The following FAM193A variants were observed in gnomAD, a reference collection of about 807,000 sequenced individuals.
The protein encoded by FAM193A is family with sequence similarity 193 member A, also known as protein FAM193A.
Under a neutral mutation model 126.5 loss-of-function variants are expected in FAM193A, and 22 were observed. The ratio of observed to expected loss-of-function variants is 0.17; its 90% CI spans 0.12 to 0.25. The LOEUF (loss-of-function observed/expected upper bound fraction) is 0.25, where lower values mean the gene tolerates loss of function less well. Ranked by LOEUF, FAM193A falls within the 10% of genes least tolerant of loss-of-function variation. The pLI is 1.00. For missense variants in FAM193A, 1,675 were observed against 1,672.8 expected, an observed-to-expected ratio of 1.00 and a Z score of -0.02; for synonymous variants, 761 against 646.8, an observed-to-expected ratio of 1.18 and a Z score of -2.68.
intron 2 of FAM193A, among the ~76,000 whole-genome samples, chr4:2,617,122 C>T (rs1346054514): frequency 4.0e-5 from 5 of 123,788 alleles, no homozygotes; most frequent in Admixed American, 1.6e-4. Flanking sequence ...GAGCTGAGAT[C>T]GTGCCACTGC....
intron 7 of FAM193A, among the ~76,000 whole-genome samples, chr4:2,654,034 C>G (rs1745927694): frequency 6.6e-6 from 1 of 152,214 alleles, no homozygotes; most frequent in South Asian, 2.1e-4. Context: ...GGCCACTCCA[C>G]TCTCCACTGG....
intron 10 of FAM193A, among the ~76,000 whole-genome samples, chr4:2,660,869 G>A (rs980127964): frequency 6.6e-6 from 1 of 152,140 alleles, no homozygotes; most frequent in Admixed American, 6.5e-5. Flanking sequence ...ATTCTGAAAG[G>A]ACTGGTTTAA....
intron 1 of FAM193A, among the ~76,000 whole-genome samples, chr4:2,591,785 T>A (rs145295215): frequency 2.4e-4 from 36 of 152,300 alleles, no homozygotes; most frequent in African/African-American, 8.4e-4. Context: ...ATGTCTTTTA[T>A]GATACACACA....
intron 2 of FAM193A, among the ~76,000 whole-genome samples, chr4:2,599,260 C>T (rs944063369): frequency 6.6e-6 from 1 of 151,874 alleles, no homozygotes; most frequent in Non-Finnish European, 1.5e-5. Context: ...TTCCACTTTC[C>T]TTCCTCTGTC....
chr4:2,663,718 G>A (rs2109122420), intron 12 of FAM193A, among the ~76,000 whole-genome samples: 1 of 152,336 alleles, frequency 6.6e-6, no homozygotes, highest in East Asian at 1.9e-4. Flanking sequence ...TGTAATCCCA[G>A]CACTTTGGGA....
intron 1 of FAM193A, among the ~76,000 whole-genome samples, chr4:2,556,382 T>C (rs533527172): frequency 1.3e-5 from 2 of 151,928 alleles, no homozygotes; most frequent in South Asian, 4.2e-4. Flanking sequence ...ATTTTTTGTA[T>C]TTTAGTAGAG....
chr4:2,606,955 G>C (rs924450185), intron 2 of FAM193A, among the ~76,000 whole-genome samples: 3 of 152,070 alleles, frequency 2.0e-5, no homozygotes, highest in African/African-American at 7.2e-5. Flanking sequence ...GACTCATTTT[G>C]TTCATTTTGG....
At chr4:2,667,634 A>G (rs1271963762) in intron 12 of FAM193A, among the ~76,000 whole-genome samples, 1 of 152,184 alleles carries the variant, frequency 6.6e-6, no homozygotes. Context: ...GTTACTGTGT[A>G]CATGTATTTT....
At chr4:2,694,447 T>C (rs1716801789) in intron 16 of FAM193A, among the ~76,000 whole-genome samples, 1 of 151,884 alleles carries the variant, frequency 6.6e-6, no homozygotes. Context: ...TTTTGTATTT[T>C]TAGTAGAGAT....
chr4:2,708,227 G>A (rs1718527276), intron 19 of FAM193A: 1 of 439,066 alleles, frequency 2.3e-6, no homozygotes, highest in Non-Finnish European at 4.6e-6. Flanking sequence ...CCAGGTTCAA[G>A]CGATTGTGCT....
chr4:2,624,359 G>T (rs776346124), intron 2 of FAM193A, among the ~76,000 whole-genome samples: 1 of 152,198 alleles, frequency 6.6e-6, no homozygotes, highest in Admixed American at 6.5e-5. Context: ...GGTCAGGCTG[G>T]TCTTGAACTC....
At chr4:2,671,130 T>C (rs532139986) in intron 12 of FAM193A, among the ~76,000 whole-genome samples, 1 of 152,342 alleles carries the variant, frequency 6.6e-6, no homozygotes, top group African/African-American at 2.4e-5. Context: ...CTCAGCCAGT[T>C]CTCAAGTCAG....
chr4:2,622,782 A>G (rs1298639252), intron 2 of FAM193A, among the ~76,000 whole-genome samples: 1 of 152,030 alleles, frequency 6.6e-6, no homozygotes, highest in Non-Finnish European at 1.5e-5. Context: ...ATAAAAGGAC[A>G]CTAATTCCAT....
chr4:2,628,136 A>G (rs1234473276), intron 4 of FAM193A, among the ~76,000 whole-genome samples: 2 of 152,016 alleles, frequency 1.3e-5, no homozygotes, highest in African/African-American at 4.8e-5. Context: ...CACCTGCCTC[A>G]GCCTCCCAAA....
chr4:2,657,323 G>A (rs1711828594), intron 7 of FAM193A, among the ~76,000 whole-genome samples: 3 of 152,028 alleles, frequency 2.0e-5, no homozygotes, highest in African/African-American at 7.2e-5. Context: ...TGTTTCCTCA[G>A]TAATTTCTCT....
At chr4:2,634,526 G>C (rs1232126811) in intron 5 of FAM193A, among the ~76,000 whole-genome samples, 3 of 152,184 alleles carry the variant, frequency 2.0e-5, no homozygotes, top group Non-Finnish European at 2.9e-5. Context: ...AAAGAATATA[G>C]AGTAACTTTG....
intron 2 of FAM193A, among the ~76,000 whole-genome samples, chr4:2,623,038 G>T (rs535925208): frequency 6.6e-6 from 1 of 151,704 alleles, no homozygotes; most frequent in Non-Finnish European, 1.5e-5. Flanking sequence ...CTGCTGTCCC[G>T]CACTCTGCCC....
Position 2,639,857 on chromosome 4 carries a change from C to T in FAM193A, c.1161C>T (p.Ile387=). The T allele has an allele frequency of 6.2e-7, 1 of 1,613,502 alleles. No individual in the cohort carries two copies. Among genetic ancestry groups the T allele is most frequent in the Non-Finnish European group, 8.5e-7 (1 of 1,179,750 alleles). The change falls in exon 6 of 21, where the codon ATC becomes ATT. Residue 387 remains isoleucine (I), a splice_region_variant and synonymous_variant. Coordinates refer to ENST00000637812, the MANE Select transcript of FAM193A (RefSeq NM_001366318.2). ...QSNLPALVSQ[I]RLGTTTHDTC... ...ACTTGCCCGCACTGGTGTCACAGAT[C>T]AGGTATTTTGCCTTAACCCGTATGT...
At chr4:2,613,004 G>A (rs1398247951) in intron 2 of FAM193A, among the ~76,000 whole-genome samples, 2 of 152,192 alleles carry the variant, frequency 1.3e-5, no homozygotes, top group Non-Finnish European at 2.9e-5. Flanking sequence ...AGATCAGTTT[G>A]GGGGAGAATT....
Sources: allele counts gnomAD v4.1 joint callset (sites outside exome capture counted in the v4.1 genomes callset), GRCh38; gene constraint gnomAD v4.1.1; transcripts MANE v1.5; gene names NCBI Gene and HGNC (gene_info 2026-07-23, HGNC 2026-07-21).